The following PDE1C variants were observed in gnomAD, a reference collection of about 807,000 sequenced individuals.
PDE1C encodes dual specificity calcium/calmodulin-dependent 3',5'-cyclic nucleotide phosphodiesterase 1C.
A neutral mutation model predicts 93.1 loss-of-function variants in PDE1C; 62 were observed. The ratio of observed to expected loss-of-function variants is 0.67; its 90% confidence interval spans 0.54 to 0.82. The LOEUF (loss-of-function observed/expected upper bound fraction) is 0.82, where lower values mean the gene tolerates loss of function less well. PDE1C is among the 40% of genes least tolerant of loss of function. The pLI, the probability that PDE1C is intolerant of heterozygous loss-of-function variation, is 0.00. For missense variants in PDE1C, 742 were observed against 884.6 expected, an observed-to-expected ratio of 0.84 and a Z score of 2.04; for synonymous variants, 325 against 310.1, an observed-to-expected ratio of 1.05 and a Z score of -0.50.
intron 2 of PDE1C, among the ~76,000 whole-genome samples, chr7:31,963,892 C>T (rs1809442038): frequency 6.6e-6 from 1 of 152,210 alleles, no homozygotes; most frequent in African/African-American, 2.4e-5. Flanking sequence ...GTATGAAAAT[C>T]TGTTAGCACT....
chr7:32,053,142 T>C (rs1353090413), intron 1 of PDE1C, among the ~76,000 whole-genome samples: 1 of 152,242 alleles, frequency 6.6e-6, no homozygotes, highest in Non-Finnish European at 1.5e-5. Context: ...TTTACAATGC[T>C]GGACTAGTTA....
At chr7:32,182,601 C>A (rs368927146) in intron 2 of PDE1C, among the ~76,000 whole-genome samples, 11 of 152,212 alleles carry the variant, frequency 7.2e-5, no homozygotes, top group Admixed American at 5.9e-4. Flanking sequence ...ATTCAACAAC[C>A]CTTCATGCTA....
intron 1 of PDE1C, among the ~76,000 whole-genome samples, chr7:32,368,367 A>G (rs1409463868): frequency 6.6e-6 from 1 of 152,218 alleles, no homozygotes; most frequent in Non-Finnish European, 1.5e-5. Flanking sequence ...AAAACAAACT[A>G]GCTGAAAAAG....
rs555568957 is a variant in PDE1C, at chr7:32,294,656, G to A, written c.85+3995C>T. ...TTTGTATTTCAGGCAGCCTTCTGGA[G>A]AGAGCAAGAATCTGTGAATGACTTA... On this transcript the variant is annotated intron_variant, in intron 1 of 18. Transcript: ENST00000396193. Among the ~76,000 whole-genome samples, 73 of 152,334 alleles carry A rather than the reference G, an allele frequency of 4.8e-4. 1 individual carries two copies. Among genetic ancestry groups the A allele is most frequent in the African/African-American group, 1.7e-3 (70 of 41,576 alleles).
chr7:32,258,537 T>C (rs1809971273), intron 1 of PDE1C, among the ~76,000 whole-genome samples: 1 of 152,182 alleles, frequency 6.6e-6, no homozygotes, highest in African/African-American at 2.4e-5. Flanking sequence ...CCCTGCCAAA[T>C]TCTCCATTAA....
chr7:32,104,627 T>C (rs984492944), intron 3 of PDE1C, among the ~76,000 whole-genome samples: 2 of 152,122 alleles, frequency 1.3e-5, no homozygotes, highest in African/African-American at 4.8e-5. Flanking sequence ...CAATGGATAA[T>C]GTAAATACAC....
chr7:32,372,130 C>T (rs1345415182), intron 1 of PDE1C, among the ~76,000 whole-genome samples: 2 of 151,260 alleles, frequency 1.3e-5, no homozygotes, highest in South Asian at 2.1e-4. Flanking sequence ...TTCGGCTCAC[C>T]GCAACCTCTA....
chr7:32,259,333 C>T (rs1810027332), intron 1 of PDE1C, among the ~76,000 whole-genome samples: 1 of 152,280 alleles, frequency 6.6e-6, no homozygotes, highest in South Asian at 2.1e-4. Context: ...CCATCATCAG[C>T]TCTTCTTTAA....
At chr7:31,846,366 A>G (rs1263228359) in intron 9 of PDE1C, among the ~76,000 whole-genome samples, 1 of 151,906 alleles carries the variant, frequency 6.6e-6, no homozygotes, top group Non-Finnish European at 1.5e-5. Context: ...CCTGACAAAA[A>G]CAAGCTATGG....
At chr7:32,244,775 C>T (rs563980264) in intron 1 of PDE1C, among the ~76,000 whole-genome samples, 5 of 152,212 alleles carry the variant, frequency 3.3e-5, no homozygotes, top group Non-Finnish European at 7.3e-5. Flanking sequence ...TGACTTTTCT[C>T]ATACAACTAT....
Position 31,947,039 on chromosome 7 carries a change from T to C in PDE1C, c.129-66179A>G, listed in dbSNP as rs1806713507. 1.3e-5 allele frequency among the ~76,000 whole-genome samples: 2 copies of C among 152,228 alleles called. 1 individual carries two copies. Among genetic ancestry groups the C allele is most frequent in the Admixed American group, 1.3e-4 (2 of 15,282 alleles). The stretch of plus-strand genomic sequence containing the variant: ...GATGCCAGAGGTCTGAAAATTCCTC[T>C]GGTGGTCTTTGTTTTTGTCTCACTT... On this transcript the variant is annotated intron_variant, in intron 2 of 17. Coordinates refer to ENST00000396191, the MANE Select transcript of PDE1C (RefSeq NM_001191057.4).
Position 32,416,010 on chromosome 7 carries a change from C to G in PDE1C, c.310+11812G>C, listed in dbSNP as rs751196243. 2.8e-4 allele frequency among the ~76,000 whole-genome samples: 42 copies of G among 152,310 alleles called. 1 individual carries two copies. The highest frequency in any genetic ancestry group is 1.7e-3 in the South Asian group (8 of 4,824). On this transcript the variant is annotated intron_variant, in intron 1 of 1. Transcript: ENST00000672256. ...AGAGGGCCCAGGTGCCAGGCTCCAC[C>G]AGGGTGGAGGGGCAACGGTGCCCTC...
At chr7:32,000,708 C>T (rs1040188055) in intron 2 of PDE1C, among the ~76,000 whole-genome samples, 3 of 152,148 alleles carry the variant, frequency 2.0e-5, no homozygotes, top group African/African-American at 7.2e-5. Flanking sequence ...ATATCCCCAG[C>T]CTTGCCCATT....
chr7:32,271,597 G>A (rs1046549290), intron 1 of PDE1C, among the ~76,000 whole-genome samples: 15 of 152,150 alleles, frequency 9.9e-5, no homozygotes, highest in African/African-American at 1.7e-4. Context: ...ATTAAGTAAC[G>A]TTCTTGTGAA....
rs866617774 is a variant in PDE1C at position 32,086,527 on chromosome 7, A to G, written c.308+83258T>C. Among the ~76,000 whole-genome samples the G allele has an allele frequency of 1.6e-4, 24 of 152,198 alleles. 4 individuals carry two copies. The highest frequency in any genetic ancestry group is 1.9e-4 in the African/African-American group (8 of 41,526). On this transcript the variant is annotated intron_variant, in intron 3 of 18. Coordinates refer to the PDE1C transcript ENST00000396193. ...TACTTTAAACTTCATATGGAACCAAAAAAGAGCCTGCATCGCCAAGTCAAT... is the reference window on the plus strand; with the variant it reads ...TACTTTAAACTTCATATGGAACCAAGAAAGAGCCTGCATCGCCAAGTCAAT...
At chr7:31,658,536 G>A in the PDE1C span, 1 of 524,204 alleles carries the variant, frequency 1.9e-6, no homozygotes, top group Non-Finnish European at 3.0e-6. Context: ...GTGGAATGGT[G>A]GGTTGCATAC....
intron 1 of PDE1C, among the ~76,000 whole-genome samples, chr7:32,240,231 T>C (rs1253331283): frequency 6.6e-6 from 1 of 152,230 alleles, no homozygotes; most frequent in East Asian, 1.9e-4. Flanking sequence ...ATATAAAATA[T>C]TTCATAATTT....
chr7:32,266,752 C>T (rs966154749), intron 1 of PDE1C, among the ~76,000 whole-genome samples: 5 of 152,054 alleles, frequency 3.3e-5, no homozygotes, highest in African/African-American at 1.2e-4. Context: ...CTGGAGCTGG[C>T]GGTGAGGATG....
At chr7:31,822,461 A>G (rs1284464431) in intron 14 of PDE1C, among the ~76,000 whole-genome samples, 1 of 152,138 alleles carries the variant, frequency 6.6e-6, no homozygotes, top group African/African-American at 2.4e-5. Context: ...AGCTTTCCAA[A>G]TCATACAAAT....
Sources: allele counts gnomAD v4.1 joint callset (sites outside exome capture counted in the v4.1 genomes callset), GRCh38; gene constraint gnomAD v4.1.1; transcripts MANE v1.5; gene names NCBI Gene and HGNC (gene_info 2026-07-23, HGNC 2026-07-21).